The following PCDH15 variants were observed in gnomAD, a reference collection of about 807,000 sequenced individuals.
PCDH15 encodes protocadherin related 15.
In PCDH15, 129 loss-of-function variants were observed where a neutral mutation model predicts 178.5. The ratio of observed to expected loss-of-function variants is 0.72; its 90% CI spans 0.63 to 0.84. The LOEUF (loss-of-function observed/expected upper bound fraction) is 0.84. Among genes scored for constraint, PCDH15 ranks in the 40% least tolerant of loss-of-function variants. The probability of loss-of-function intolerance (pLI) is 0.00; values close to 1 mark genes in which losing one functional copy is unlikely to be tolerated. For synonymous variants in PCDH15, 800 were observed against 732.0 expected (o/e 1.09, Z -1.50); for missense variants, 2,230 against 2,099.9 (o/e 1.06, Z -1.21).
At chr10:54,402,644 T>C (rs926730518) in intron 3 of PCDH15, among the ~76,000 whole-genome samples, 15 of 152,020 alleles carry the variant, frequency 9.9e-5, no homozygotes, top group African/African-American at 3.6e-4. Context: ...AATTTTTTCA[T>C]TGTTATATCT....
Position 55,233,728 on chromosome 10 carries a change from C to T in PCDH15, c.-155-67077G>A, listed in dbSNP as rs557263552. 1.1e-3 allele frequency among the ~76,000 whole-genome samples: 174 copies of T among 152,096 alleles called. 2 individuals carry two copies. Among genetic ancestry groups the T allele is most frequent in the Middle Eastern group, 6.8e-3 (2 of 294 alleles). ...GACACCTTACTATGTTGGTTTCATGCCTTCATGAGCAATTCACCAGATGTA... is the reference window on the plus strand; with the variant it reads ...GACACCTTACTATGTTGGTTTCATGTCTTCATGAGCAATTCACCAGATGTA... On this transcript the variant is annotated intron_variant, in intron 1 of 5. Transcript: ENST00000458638.
chr10:55,293,277 T>C (rs562759023), intron 1 of PCDH15, among the ~76,000 whole-genome samples: 5 of 151,958 alleles, frequency 3.3e-5, no homozygotes, highest in Non-Finnish European at 7.4e-5. Flanking sequence ...GCACATAGCA[T>C]AAAGATGCTG....
At chr10:55,603,945 C>T (rs1399287971) in intron 2 of PCDH15, among the ~76,000 whole-genome samples, 1 of 140,802 alleles carries the variant, frequency 7.1e-6, no homozygotes, top group African/African-American at 2.7e-5. Context: ...AAGACACAGA[C>T]TGGCAAATTG....
chr10:55,114,050 A>G (rs1424471922), intron 2 of PCDH15, among the ~76,000 whole-genome samples: 1 of 151,854 alleles, frequency 6.6e-6, no homozygotes, highest in Non-Finnish European at 1.5e-5. Context: ...CCAGGTTCAC[A>G]CCATTCTCCT....
chr10:54,669,623 A>G (rs940218101), intron 1 of PCDH15, among the ~76,000 whole-genome samples: 9 of 149,234 alleles, frequency 6.0e-5, no homozygotes, highest in Admixed American at 4.8e-4. Flanking sequence ...TAATGTTTTT[A>G]TAGGACACTG....
rs750573995 is a variant in PCDH15 at position 54,023,082 on chromosome 10, C to A, written c.2336G>T (p.Arg779Ile). The A allele has an allele frequency of 1.6e-5, 26 of 1,613,842 alleles. No individual in the cohort carries two copies. Among genetic ancestry groups the A allele is most frequent in the Non-Finnish European group, 2.1e-5 (25 of 1,179,914 alleles). Reference sequence around the variant, plus strand: ...AAGTTCATAGTAGTCCCTGACTTCTCTGTTAAGCTTCACTGCTGTGTAAAT... The same window carrying A: ...AAGTTCATAGTAGTCCCTGACTTCTATGTTAAGCTTCACTGCTGTGTAAAT... ...GSIYTAVKLN[R>I]EVRDYYELVV... Residue 779 changes from arginine (R) to isoleucine (I), a missense_variant, in exon 19 of 38, where the codon AGA (arginine) becomes ATA (isoleucine). Arg to Ile is a moderately conservative substitution (Grantham distance 97). Transcript: ENST00000644397.
chr10:55,004,646 A>T (rs1426916822), intron 2 of PCDH15, among the ~76,000 whole-genome samples: 1 of 152,066 alleles, frequency 6.6e-6, no homozygotes, highest in Non-Finnish European at 1.5e-5. Flanking sequence ...CTTCCCTCCT[A>T]TATAAACCAC....
intron 16 of PCDH15, among the ~76,000 whole-genome samples, chr10:54,082,601 A>T (rs1335640997): frequency 2.6e-5 from 4 of 152,174 alleles, no homozygotes; most frequent in South Asian, 2.1e-4. Context: ...AAATGGATCA[A>T]CAATTTTTCT....
intron 10 of PCDH15, among the ~76,000 whole-genome samples, chr10:54,205,466 C>A (rs1330795984): frequency 3.3e-5 from 3 of 90,336 alleles, no homozygotes; most frequent in African/African-American, 1.1e-4. Flanking sequence ...AACAGGTTAT[C>A]AGGTTATATT....
intron 2 of PCDH15, among the ~76,000 whole-genome samples, chr10:54,543,438 T>A (rs2085485338): frequency 6.6e-6 from 1 of 152,170 alleles, no homozygotes; most frequent in Middle Eastern, 3.4e-3. Context: ...CATGCTCCCC[T>A]AGAGGTTTGA....
chr10:55,201,869 G>A (rs986875379), intron 1 of PCDH15, among the ~76,000 whole-genome samples: 1 of 151,954 alleles, frequency 6.6e-6, no homozygotes, highest in Non-Finnish European at 1.5e-5. Context: ...TTTACAATGT[G>A]CTTTTTTAAA....
chr10:55,050,584 A>G (rs1219751841), intron 2 of PCDH15, among the ~76,000 whole-genome samples: 3 of 152,086 alleles, frequency 2.0e-5, no homozygotes, highest in Non-Finnish European at 4.4e-5. Flanking sequence ...ATCAAAAGAA[A>G]GCAAAACGCT....
At chr10:55,386,395 T>A (rs1367867509) in intron 2 of PCDH15, among the ~76,000 whole-genome samples, 2 of 151,516 alleles carry the variant, frequency 1.3e-5, no homozygotes, top group Non-Finnish European at 2.9e-5. Flanking sequence ...AATTTTAAAA[T>A]GTGATACTGG....
At chr10:54,680,111 C>T (rs2094871804) in intron 1 of PCDH15, among the ~76,000 whole-genome samples, 1 of 152,078 alleles carries the variant, frequency 6.6e-6, no homozygotes. Context: ...TAGGTTTCTT[C>T]CCCCAGGATA....
At chr10:53,932,393 G>T (rs12259195) in intron 25 of PCDH15, among the ~76,000 whole-genome samples, 1 of 152,132 alleles carries the variant, frequency 6.6e-6, no homozygotes, top group Non-Finnish European at 1.5e-5. Flanking sequence ...TCTAGATGTA[G>T]CTGTAATATA....
intron 21 of PCDH15, among the ~76,000 whole-genome samples, chr10:53,993,079 A>G (rs2091632040): frequency 6.6e-6 from 1 of 152,240 alleles, no homozygotes; most frequent in Non-Finnish European, 1.5e-5. Context: ...GCCAACCTCT[A>G]GAAATGAAAA....
chr10:54,273,047 T>C (rs551545613), intron 8 of PCDH15, among the ~76,000 whole-genome samples: 4 of 152,216 alleles, frequency 2.6e-5, no homozygotes, highest in African/African-American at 7.2e-5. Context: ...TTTAGCAAAA[T>C]ATTTAGAGGT....
At chr10:54,357,221 G>T (rs1170016336) in intron 5 of PCDH15, among the ~76,000 whole-genome samples, 1 of 152,144 alleles carries the variant, frequency 6.6e-6, no homozygotes, top group Non-Finnish European at 1.5e-5. Flanking sequence ...AAGTCAAATT[G>T]TCCCTGTTTG....
chr10:55,322,357 A>G (rs932717265), upstream of PCDH15, among the ~76,000 whole-genome samples: 2 of 152,198 alleles, frequency 1.3e-5, no homozygotes, highest in African/African-American at 4.8e-5. Flanking sequence ...CAGAATGGGA[A>G]TAGACTAAAA....
Sources: gnomAD v4.1 joint callset for allele counts (sites outside exome capture counted in the v4.1 genomes callset) on GRCh38, gnomAD v4.1.1 for gene constraint, MANE v1.5 for transcripts, NCBI Gene and HGNC (gene_info 2026-07-23, HGNC 2026-07-21) for gene names.